HDAC9: variants seen among roughly 807,000 people sequenced by gnomAD.
The protein encoded by HDAC9 is histone deacetylase 9, also known as MEF-2 interacting transcription repressor (MITR) protein.
In HDAC9, 41 loss-of-function variants were observed where a neutral mutation model predicts 139.4. That is an observed-to-expected ratio of 0.29 (90% CI 0.23 to 0.38). The LOEUF (loss-of-function observed/expected upper bound fraction) is 0.38. Ranked by LOEUF, HDAC9 falls within the 10% of genes least tolerant of loss-of-function variation. The pLI, the probability that HDAC9 is intolerant of heterozygous loss-of-function variation, is 1.00. For synonymous variants in HDAC9, 517 were observed against 476.2 expected (o/e 1.09, Z -1.12); for missense variants, 1,147 against 1,297.0 (o/e 0.88, Z 1.78).
chr7:18,794,672 T>C lies in HDAC9; in HGVS notation c.2322+1220T>C, dbSNP rs111733813. Among the ~76,000 whole-genome samples, 1,335 of 152,340 alleles carry C rather than the reference T, an allele frequency of 8.8e-3. 16 individuals carry two copies. The highest frequency in any genetic ancestry group is 0.03 in the African/African-American group (1,248 of 41,568). ...TAAAAAGAGGAAAGGAATCAGCCTG[T>C]GGAGAGGTTTTGGCTATCTCCCAGT... On this transcript the variant is annotated intron_variant, in intron 17 of 25. Coordinates refer to ENST00000686413, the MANE Select transcript of HDAC9 (RefSeq NM_178425.4).
intron 12 of HDAC9, among the ~76,000 whole-genome samples, chr7:18,676,912 T>G (rs2129087419): frequency 6.6e-6 from 1 of 152,084 alleles, no homozygotes; most frequent in South Asian, 2.1e-4. Context: ...CTGTTTAAAT[T>G]AAAATTTTAA....
At chr7:18,712,496 T>A (rs2129115177) in intron 12 of HDAC9, among the ~76,000 whole-genome samples, 1 of 152,304 alleles carries the variant, frequency 6.6e-6, no homozygotes, top group African/African-American at 2.4e-5. Context: ...AAGCATGATT[T>A]TAAATCTGCA....
chr7:18,848,981 C>T (rs1473239883), intron 21 of HDAC9, among the ~76,000 whole-genome samples: 1 of 152,112 alleles, frequency 6.6e-6, no homozygotes, highest in Admixed American at 6.5e-5. Context: ...ACTCCCAGCT[C>T]CCCACATCTC....
intron 2 of HDAC9, among the ~76,000 whole-genome samples, chr7:18,520,799 T>C (rs1804793329): frequency 6.6e-6 from 1 of 152,184 alleles, no homozygotes; most frequent in South Asian, 2.1e-4. Flanking sequence ...TGAAAGAAGA[T>C]AGCCCAGAAA....
At chr7:18,236,055 G>A (rs1236899902) in intron 2 of HDAC9, among the ~76,000 whole-genome samples, 1 of 152,194 alleles carries the variant, frequency 6.6e-6, no homozygotes, top group Non-Finnish European at 1.5e-5. Flanking sequence ...CACTGGAGTT[G>A]TTTTGTTGTC....
At chr7:18,551,582 A>G (rs755457030) in intron 2 of HDAC9, among the ~76,000 whole-genome samples, 4 of 152,174 alleles carry the variant, frequency 2.6e-5, no homozygotes, top group Non-Finnish European at 4.4e-5. Context: ...AAAGCGATCC[A>G]ATTACTAAAC....
intron 23 of HDAC9, among the ~76,000 whole-genome samples, chr7:18,943,845 G>T (rs561586188): frequency 6.6e-6 from 1 of 151,944 alleles, no homozygotes; most frequent in Non-Finnish European, 1.5e-5. Context: ...TTGCTGTGTT[G>T]ATATCACCCT....
intron 12 of HDAC9, among the ~76,000 whole-genome samples, chr7:18,724,250 C>G (rs568877052): frequency 6.6e-6 from 1 of 151,986 alleles, no homozygotes; most frequent in Non-Finnish European, 1.5e-5. Flanking sequence ...CATTGTTGTA[C>G]GAACATCATA....
chr7:18,619,149 T>C (rs1839522733), intron 6 of HDAC9, among the ~76,000 whole-genome samples: 1 of 152,160 alleles, frequency 6.6e-6, no homozygotes, highest in African/African-American at 2.4e-5. Flanking sequence ...AGATATGGAT[T>C]TCCTTGACTC....
chr7:18,635,546 C>CA (rs972540744), intron 8 of HDAC9, among the ~76,000 whole-genome samples: 3 of 152,022 alleles, frequency 2.0e-5, no homozygotes, highest in Admixed American at 2.0e-4. Flanking sequence ...ATAAGGCTAT[C>CA]AAAGGCAAGA....
intron 11 of HDAC9, among the ~76,000 whole-genome samples, chr7:18,650,214 C>T (rs1788809925): frequency 6.6e-6 from 1 of 151,992 alleles, no homozygotes; most frequent in South Asian, 2.1e-4. Context: ...AAAAATTGTC[C>T]ACTGTTTAGT....
chr7:18,606,418 G>T (rs1835515493), intron 6 of HDAC9, among the ~76,000 whole-genome samples: 2 of 152,088 alleles, frequency 1.3e-5, no homozygotes, highest in South Asian at 2.1e-4. Context: ...ACAAATTAAT[G>T]ATTATATTTA....
intron 1 of HDAC9, among the ~76,000 whole-genome samples, chr7:18,313,850 A>G (rs1442064565): frequency 3.3e-5 from 5 of 152,030 alleles, no homozygotes; most frequent in African/African-American, 4.8e-5. Flanking sequence ...AATAGAAAAT[A>G]AACAATAAAT....
chr7:18,351,787 A>G (rs1782867204), intron 1 of HDAC9, among the ~76,000 whole-genome samples: 1 of 152,134 alleles, frequency 6.6e-6, no homozygotes, highest in South Asian at 2.1e-4. Context: ...ATAATGTTTA[A>G]TTTTGTCAAG....
chr7:18,506,165 G>C (rs1799712377), intron 2 of HDAC9: 1 of 152,174 alleles, frequency 6.6e-6, no homozygotes, highest in African/African-American at 2.4e-5. Flanking sequence ...TCTGCTTAAG[G>C]GGCAATAATG....
chr7:18,771,892 A>G (rs75682736), intron 16 of HDAC9, among the ~76,000 whole-genome samples: 53 of 152,268 alleles, frequency 3.5e-4, no homozygotes, highest in African/African-American at 8.9e-4. Context: ...AACAAAACCA[A>G]TATTTTCAAA....
chr7:18,479,089 A>G (rs1795344618), intron 1 of HDAC9, among the ~76,000 whole-genome samples: 1 of 152,038 alleles, frequency 6.6e-6, no homozygotes, highest in Non-Finnish European at 1.5e-5. Flanking sequence ...TCCCTTTTTA[A>G]AAGTGTCTTT....
intron 22 of HDAC9, among the ~76,000 whole-genome samples, chr7:18,910,545 C>T (rs1295331806): frequency 6.6e-6 from 1 of 151,872 alleles, no homozygotes; most frequent in Non-Finnish European, 1.5e-5. Flanking sequence ...TTTTCTCTTG[C>T]CTAATTGCTC....
At chr7:18,129,375 T>C (rs1187658496) in intron 1 of HDAC9, among the ~76,000 whole-genome samples, 2 of 152,130 alleles carry the variant, frequency 1.3e-5, no homozygotes, top group Admixed American at 1.3e-4. Flanking sequence ...TCTAAATTCA[T>C]TGAGAGAGGA....
Sources: allele counts gnomAD v4.1 joint callset (sites outside exome capture counted in the v4.1 genomes callset), GRCh38; gene constraint gnomAD v4.1.1; transcripts MANE v1.5; gene names NCBI Gene and HGNC (gene_info 2026-07-23, HGNC 2026-07-21).